Variants in SETD2 observed in about 807,000 individuals in gnomAD.
SETD2 encodes SET domain containing 2, histone lysine methyltransferase.
In SETD2, 31 loss-of-function variants were observed where a neutral mutation model predicts 242.1. The ratio of observed to expected loss-of-function variants is 0.13; its 90% confidence interval spans 0.10 to 0.17. SETD2 has a LOEUF of 0.17. Ranked by LOEUF, SETD2 falls within the 10% of genes least tolerant of loss-of-function variation. The probability of loss-of-function intolerance (pLI) is 1.00; values close to 1 mark genes in which losing one functional copy is unlikely to be tolerated. For missense variants in SETD2, 2,481 were observed against 3,046.3 expected (o/e 0.81, Z 4.37); for synonymous variants, 1,006 against 1,066.5 (o/e 0.94, Z 1.11).
Position 47,086,383 on chromosome 3 carries a change from G to A in SETD2, c.5278-69C>T, listed in dbSNP as rs139299370. On this transcript the variant is annotated intron_variant, in intron 10 of 20. Coordinates refer to ENST00000409792, the MANE Select transcript of SETD2 (RefSeq NM_014159.7). ...AATATCAGAATATTACAAAGAGCCC[G>A]AGGAGAGTTCATGTATACGTTACAC... 2.2e-4 allele frequency: 333 copies of A among 1,521,366 alleles called. No homozygotes were observed. In the African/African-American group the frequency reaches 3.6e-3, roughly 16 times the overall value. 94.2% of individuals were successfully genotyped at this position (1,521,366 alleles called of 1,614,324 possible).
At chr3:47,108,336 C>G (rs2042520322) in intron 5 of SETD2, among the ~76,000 whole-genome samples, 1 of 151,994 alleles carries the variant, frequency 6.6e-6, no homozygotes, top group Admixed American at 6.6e-5. Context: ...GCTTGATTAC[C>G]TGCTTTTGAA....
rs561621594 is a variant in SETD2 at position 47,074,344 on chromosome 3, G to T, written c.6061-7226C>A. Reference sequence around the variant, plus strand: ...AAGGGTAGGGAGGAAACATTTCACTGTATGTCTTTCATATTTTGCCTCATG... The same window carrying T: ...AAGGGTAGGGAGGAAACATTTCACTTTATGTCTTTCATATTTTGCCTCATG... On this transcript the variant is annotated intron_variant, in intron 12 of 20. Coordinates refer to ENST00000409792, the MANE Select transcript of SETD2 (RefSeq NM_014159.7). Among the ~76,000 whole-genome samples, 80 of 152,266 alleles carry T rather than the reference G, an allele frequency of 5.3e-4. 1 individual carries two copies. The highest frequency in any genetic ancestry group is 1.0e-3 in the Non-Finnish European group (71 of 68,010).
chr3:47,062,375 T>C, intron 13 of SETD2, 29 bp from the exon 14 acceptor site: 1 of 1,533,694 alleles, frequency 6.5e-7, no homozygotes, highest in Non-Finnish European at 8.7e-7. Flanking sequence ...TTGTTTGTTT[T>C]TTTTTTTTTT....
At position 47,122,168 on chromosome 3, in the gene SETD2, C is replaced by G. The variant is rs2043122241; in HGVS notation, c.2468G>C (p.Ser823Thr). Residue 823 changes from serine (S) to threonine (T), a missense_variant, in exon 3 of 21, where the codon AGC (serine) becomes ACC (threonine). Around this residue, in one of 17 missense-constraint regions of SETD2, gnomAD observed 1,300 missense variants for 1,259.2 expected, o/e 1.03. Coordinates refer to ENST00000409792, the MANE Select transcript of SETD2 (RefSeq NM_014159.7). ...EPSVMKISSNSFMNVHLESKP... is the reference protein window; with the variant it reads ...EPSVMKISSNTFMNVHLESKP... ...TGATTCCAAATGCACATTCATAAAGCTATTTGAAGAAATCTTCATAACTGA... is the reference window on the plus strand; with the variant it reads ...TGATTCCAAATGCACATTCATAAAGGTATTTGAAGAAATCTTCATAACTGA... 4.3e-6 allele frequency: 7 copies of G among 1,613,932 alleles called. No homozygotes were observed. Among genetic ancestry groups the G allele is most frequent in the Non-Finnish European group, 5.9e-6 (7 of 1,179,892 alleles).
At chr3:47,076,501 G>T (rs532071832) in intron 12 of SETD2, among the ~76,000 whole-genome samples, 1 of 152,226 alleles carries the variant, frequency 6.6e-6, no homozygotes, top group African/African-American at 2.4e-5. Flanking sequence ...CTATTAGTAA[G>T]AAGTAATTTA....
At chr3:47,020,025 CTGTTACA>C (rs1258245125) in intron 18 of SETD2, among the ~76,000 whole-genome samples, 185 bp from the exon 19 acceptor site, 1 of 152,122 alleles carries the variant, frequency 6.6e-6, no homozygotes, top group Non-Finnish European at 1.5e-5. Flanking sequence ...GTTTCAAATC[CTGTTACA>C]TGGTTTGGCT....
chr3:47,030,198 G>C (rs1438514219), intron 18 of SETD2, among the ~76,000 whole-genome samples: 1 of 150,958 alleles, frequency 6.6e-6, no homozygotes, highest in Non-Finnish European at 1.5e-5. Context: ...GAAGTGAAAG[G>C]TATTTATCAG....
intron 3 of SETD2, among the ~76,000 whole-genome samples, chr3:47,117,160 T>C (rs1250977237): frequency 1.3e-5 from 2 of 151,370 alleles, no homozygotes; most frequent in Admixed American, 6.6e-5. Flanking sequence ...CCACTACGCC[T>C]GGCTAGATTC....
At position 47,101,597 on chromosome 3, in the gene SETD2, AGTGTGTGTGTGTGTGTGTGTGTGT is replaced by A. The variant is rs61571386; in HGVS notation, c.4918-66_4918-43del. On this transcript the variant is annotated intron_variant, in intron 7 of 20. Coordinates refer to ENST00000409792, the MANE Select transcript of SETD2 (RefSeq NM_014159.7). ...AAACAAAAGAAATTAGTAACTTATT[AGTGTGTGTGTGTGTGTGTGTGTGT>A]GTGTGTGTGTGTGCGCATATATAAA... 5.0e-5 allele frequency: 37 copies of A among 734,106 alleles called. 1 individual carries two copies. The South Asian group carries it at 6.3e-4, about 13-fold the overall frequency. 45.5% of individuals were successfully genotyped at this position (734,106 alleles called of 1,614,324 possible). A position where few individuals can be genotyped will look rare whatever the true frequency, so the allele number is the denominator to read the frequency against.
At chr3:47,090,797 A>C (rs539798740) in intron 9 of SETD2, among the ~76,000 whole-genome samples, 1 of 152,340 alleles carries the variant, frequency 6.6e-6, no homozygotes, top group African/African-American at 2.4e-5. Context: ...GGAAATGATG[A>C]AAGTCTAGAA....
chr3:47,102,493 A>G (rs1349505231), intron 7 of SETD2, among the ~76,000 whole-genome samples: 1 of 152,226 alleles, frequency 6.6e-6, no homozygotes, highest in Non-Finnish European at 1.5e-5. Context: ...CTTTAACCTT[A>G]AAAAGTTACA....
At chr3:47,068,623 A>G (rs2040673736) in intron 12 of SETD2, among the ~76,000 whole-genome samples, 2 of 150,724 alleles carry the variant, frequency 1.3e-5, no homozygotes, top group Admixed American at 1.3e-4. Context: ...CAGCCTCCTG[A>G]GTAGCAGGGA....
At chr3:47,137,749 C>T (rs2043622162) in intron 1 of SETD2, among the ~76,000 whole-genome samples, 2 of 151,786 alleles carry the variant, frequency 1.3e-5, no homozygotes, top group East Asian at 1.9e-4. Flanking sequence ...TGCAATAGTG[C>T]GATCTTGGCT....
chr3:47,065,753 T>G (rs2040531403), intron 13 of SETD2, among the ~76,000 whole-genome samples: 1 of 152,206 alleles, frequency 6.6e-6, no homozygotes, highest in Non-Finnish European at 1.5e-5. Context: ...CAGTGAGAGC[T>G]ATGATGGTGT....
At chr3:47,139,788 TGA>T (rs1385516723) in intron 1 of SETD2, among the ~76,000 whole-genome samples, 2 of 152,170 alleles carry the variant, frequency 1.3e-5, no homozygotes, top group Non-Finnish European at 2.9e-5. Context: ...AATAAAGCTA[TGA>T]GTGATACACT....
In SETD2 at chr3:47,017,785, G is replaced by T; in HGVS notation, c.7432-46C>A. ...ACACGTTGCTCAACAGTCCAGAGAGGGCAAGGAGTTGTACTGAGGAAATAA... is the reference window on the plus strand; with the variant it reads ...ACACGTTGCTCAACAGTCCAGAGAGTGCAAGGAGTTGTACTGAGGAAATAA... On this transcript the variant is annotated intron_variant, in intron 19 of 20. Coordinates refer to ENST00000409792, the MANE Select transcript of SETD2 (RefSeq NM_014159.7). The surrounding 1 kb of genome is among the most constrained non-coding windows in gnomAD (Gnocchi z 4.8). 2 of 1,333,386 alleles carry T rather than the reference G, an allele frequency of 1.5e-6. No individual in the cohort carries two copies. Among genetic ancestry groups the T allele is most frequent in the Non-Finnish European group, 2.2e-6 (2 of 924,072 alleles). The allele number at this position is 1,333,386 out of a possible 1,614,324, so 82.6% of individuals were successfully genotyped here.
At chr3:47,078,147 A>C (rs2041172006) in intron 12 of SETD2, among the ~76,000 whole-genome samples, 1 of 152,236 alleles carries the variant, frequency 6.6e-6, no homozygotes, top group African/African-American at 2.4e-5. Flanking sequence ...TAGGGTATTT[A>C]CATATTTCCA....
chr3:47,163,431 C>T (rs1697562832), intron 1 of SETD2: 1 of 152,406 alleles, frequency 6.6e-6, no homozygotes, highest in South Asian at 2.1e-4. Context: ...GGCCTACCCT[C>T]ACCGGCGCCC....
At chr3:47,105,590 T>G in intron 6 of SETD2, 1 of 364,660 alleles carries the variant, frequency 2.7e-6, no homozygotes, top group Admixed American at 3.7e-5. Context: ...ATAGACGCTA[T>G]TTATACTGCT....
Sources: allele counts gnomAD v4.1 joint callset (sites outside exome capture counted in the v4.1 genomes callset), GRCh38; gene constraint gnomAD v4.1.1; regional missense constraint gnomAD v4.1.1; non-coding constraint Gnocchi (gnomAD v3.1); transcripts MANE v1.5; gene names NCBI Gene and HGNC (gene_info 2026-07-23, HGNC 2026-07-21).